Variants in JAK2 observed in about 807,000 individuals in gnomAD.
JAK2 encodes tyrosine-protein kinase JAK2.
Under a neutral mutation model 139.3 loss-of-function variants are expected in JAK2, and 86 were observed. That is an observed-to-expected ratio of 0.62 (90% CI 0.52 to 0.74). JAK2 has a LOEUF of 0.74. JAK2 is among the 30% of genes least tolerant of loss of function. The pLI, the probability that JAK2 is intolerant of heterozygous loss-of-function variation, is 0.00. For synonymous variants in JAK2, 490 were observed against 437.7 expected (o/e 1.12, Z -1.49); for missense variants, 1,421 against 1,360.3 (o/e 1.04, Z -0.70).
intron 5 of JAK2, among the ~76,000 whole-genome samples, chr9:5,049,414 G>T (rs1372122384): frequency 6.6e-6 from 1 of 152,148 alleles, no homozygotes; most frequent in Non-Finnish European, 1.5e-5. Flanking sequence ...TGGTGCTTTT[G>T]TGTGTGTGTC....
chr9:5,044,378 A>T, intron 4 of JAK2, 25 bp from the exon 5 acceptor site: 3 of 1,435,680 alleles, frequency 2.1e-6, no homozygotes, highest in Middle Eastern at 1.8e-4. Flanking sequence ...TTGGAAGCTG[A>T]CCAAATGTTT....
intron 15 of JAK2, 141 bp downstream of exon 15, chr9:5,077,721 G>C (rs1819403128): frequency 2.1e-6 from 1 of 480,090 alleles, no homozygotes; most frequent in African/African-American, 2.0e-5. Context: ...GTGATAAAAA[G>C]AGATTACTTT....
At chr9:5,058,124 A>C (rs1471415156) in intron 8 of JAK2, among the ~76,000 whole-genome samples, 1 of 152,162 alleles carries the variant, frequency 6.6e-6, no homozygotes, top group East Asian at 1.9e-4. Flanking sequence ...ACTTTTTGAC[A>C]ATTGTGAGTA....
chr9:5,056,462 T>C (rs1403650676), intron 8 of JAK2, among the ~76,000 whole-genome samples: 1 of 152,136 alleles, frequency 6.6e-6, no homozygotes, highest in Non-Finnish European at 1.5e-5. Flanking sequence ...TAAGTATTTA[T>C]ATGGCTTACC....
intron 5 of JAK2, among the ~76,000 whole-genome samples, chr9:5,049,485 A>G (rs1467834493): frequency 3.9e-5 from 6 of 152,156 alleles, no homozygotes; most frequent in African/African-American, 1.4e-4. Context: ...TTTTAAACAC[A>G]CTGTGAAGTT....
intron 13 of JAK2, 151 bp from the exon 14 acceptor site, chr9:5,073,547 C>A: frequency 1.6e-6 from 1 of 624,176 alleles, no homozygotes; most frequent in South Asian, 1.9e-5. Flanking sequence ...AGTTGCAGGT[C>A]CATATAAAGG....
rs540514626 is a variant in JAK2 at position 5,009,496 on chromosome 9, A to G, written c.-25-12467A>G. On this transcript the variant is annotated intron_variant, in intron 2 of 24. Transcript: ENST00000381652. The stretch of plus-strand genomic sequence containing the variant: ...TCTGCTCCTTTTTCATAATCTAGTG[A>G]TGCTTTATGTTTTCAAAATATTCTT... Among the ~76,000 whole-genome samples the G allele has an allele frequency of 6.6e-5, 10 of 150,912 alleles. No individual in the cohort carries two copies. The East Asian group carries it at 1.8e-3, about 27-fold the overall frequency.
Position 5,081,731 on chromosome 9 carries a change from A to G in JAK2, c.2441A>G (p.Glu814Gly). 1 of 1,591,302 alleles carries G rather than the reference A, an allele frequency of 6.3e-7. No individual in the cohort carries two copies. The highest frequency in any genetic ancestry group is 1.1e-5 in the South Asian group (1 of 90,520). The change falls in exon 19 of 25, where the codon GAA (glutamate) becomes GGA (glycine). Residue 814 changes from glutamate to glycine, a missense_variant. Transcript: ENST00000381652. ...ATATTCTTTATTTCTCCAGATTATGAACTATTAACAGAAAATGACATGTTA... is the reference window on the plus strand; with the variant it reads ...ATATTCTTTATTTCTCCAGATTATGGACTATTAACAGAAAATGACATGTTA... ...DLNSLFTPDY[E>G]LLTENDMLPN...
intron 4 of JAK2, among the ~76,000 whole-genome samples, chr9:5,032,938 A>G (rs561742083): frequency 7.9e-5 from 12 of 152,358 alleles, no homozygotes; most frequent in African/African-American, 2.9e-4. Context: ...TCAGACGATC[A>G]AACTACTCCA....
Position 5,128,116 on chromosome 9 carries a change from GTGTGT to G in JAK2, c.*1327_*1331del, listed in dbSNP as rs1489723523. 3 of 201,956 alleles carry G rather than the reference GTGTGT, an allele frequency of 1.5e-5. No homozygotes were observed. The highest frequency in any genetic ancestry group is 6.6e-5 in the East Asian group (1 of 15,182). The allele number at this position is 201,956 out of a possible 1,614,324, so 12.5% of individuals were successfully genotyped here. On this transcript the variant is annotated 3_prime_UTR_variant, in exon 25 of 25. Coordinates refer to ENST00000381652, the MANE Select transcript of JAK2 (RefSeq NM_004972.4). ...TGTGTGTGTGTGTGTGTGTGTGTGT[GTGTGT>G]TATTTATACAAAACTTAAAATACTT...
chr9:5,059,858 G>A (rs1818031824), intron 8 of JAK2, among the ~76,000 whole-genome samples: 1 of 152,074 alleles, frequency 6.6e-6, no homozygotes, highest in Admixed American at 6.6e-5. Context: ...CTTATGAAGT[G>A]CCTGTGACAG....
At chr9:5,104,191 A>C (rs1586801634) in intron 22 of JAK2, among the ~76,000 whole-genome samples, 1 of 152,178 alleles carries the variant, frequency 6.6e-6, no homozygotes, top group Non-Finnish European at 1.5e-5. Flanking sequence ...AAGAAAAGAG[A>C]GAAGAATCAA....
intron 22 of JAK2, among the ~76,000 whole-genome samples, chr9:5,116,857 T>TCAATAATTAAGTGCAATAAGTGTAAGTG (rs1221739833): frequency 6.6e-6 from 1 of 152,200 alleles, no homozygotes; most frequent in East Asian, 1.9e-4. Flanking sequence ...TATGGCACTT[T>TCAATAATTAAGTGCAATAAGTGTAAGTG]CAATAATTAA....
intron 22 of JAK2, among the ~76,000 whole-genome samples, chr9:5,116,014 A>G (rs370688209): frequency 1.4e-3 from 207 of 152,276 alleles, no homozygotes; most frequent in African/African-American, 4.8e-3. Context: ...TACGTTAACA[A>G]ACCTGCACCT....
chr9:5,027,179 T>G (rs1822835098), intron 3 of JAK2, among the ~76,000 whole-genome samples: 1 of 152,182 alleles, frequency 6.6e-6, no homozygotes, highest in South Asian at 2.1e-4. Context: ...TGAAAGAGTC[T>G]CAGCAGTTAT....
At chr9:5,005,279 G>C (rs185091599) in intron 2 of JAK2, among the ~76,000 whole-genome samples, 1 of 151,406 alleles carries the variant, frequency 6.6e-6, no homozygotes, top group Non-Finnish European at 1.5e-5. Context: ...TATCTGTTCC[G>C]GTCCTTTGCC....
chr9:5,080,080 C>A lies in JAK2; in HGVS notation c.2132-149C>A, dbSNP rs1819580137. ...GTCCCTTCTGGTTCTTAAGCTTATG[C>A]AGTCATGTGCATGTGCACATCCAAC... On this transcript the variant is annotated intron_variant, in intron 16 of 24. Coordinates refer to ENST00000381652, the MANE Select transcript of JAK2 (RefSeq NM_004972.4). 5.5e-6 allele frequency: 3 copies of A among 541,576 alleles called. No homozygotes were observed. The South Asian group carries it at 1.0e-4, about 18-fold the overall frequency. 33.5% of individuals were successfully genotyped at this position (541,576 alleles called of 1,614,324 possible).
At chr9:5,114,153 G>T in intron 22 of JAK2, 1 of 414,346 alleles carries the variant, frequency 2.4e-6, no homozygotes. Flanking sequence ...TGAGGACAGT[G>T]CCAAGAAGTG....
At chr9:4,994,303 G>C (rs1448623158) in intron 2 of JAK2, among the ~76,000 whole-genome samples, 3 of 152,196 alleles carry the variant, frequency 2.0e-5, no homozygotes, top group African/African-American at 7.2e-5. Flanking sequence ...TGAAGACAGT[G>C]AGGATTAACT....
Sources: gnomAD v4.1 joint callset for allele counts (sites outside exome capture counted in the v4.1 genomes callset) on GRCh38, gnomAD v4.1.1 for gene constraint, MANE v1.5 for transcripts, NCBI Gene and HGNC (gene_info 2026-07-23, HGNC 2026-07-21) for gene names.